ZNF594: variants seen among roughly 807,000 people sequenced by gnomAD.
ZNF594 encodes the protein zinc finger protein 594.
For missense variants in ZNF594, 1,037 were observed against 964.6 expected, an observed-to-expected ratio of 1.08 and a Z score of -0.99; for synonymous variants, 336 against 309.4, an observed-to-expected ratio of 1.09 and a Z score of -0.90.
downstream of ZNF594, among the ~76,000 whole-genome samples, chr17:5,178,497 C>T (rs1178366343): frequency 1.3e-5 from 2 of 152,026 alleles, no homozygotes; most frequent in Non-Finnish European, 2.9e-5. Context: ...AACCTGTTCC[C>T]TGGAATCAGA....
chr17:5,178,383 C>G (rs2074319044), downstream of ZNF594, among the ~76,000 whole-genome samples: 1 of 152,036 alleles, frequency 6.6e-6, no homozygotes, highest in African/African-American at 2.4e-5. Flanking sequence ...AACAATTAGT[C>G]ATAAATAACT....
chr17:5,184,052 T>A lies in ZNF594; in HGVS notation c.205A>T (p.Met69Leu). 2 of 1,614,182 alleles carry A rather than the reference T, an allele frequency of 1.2e-6. No individual in the cohort carries two copies. Among genetic ancestry groups the A allele is most frequent in the Non-Finnish European group, 1.7e-6 (2 of 1,180,030 alleles). The change falls in exon 2 of 2, where the codon ATG (methionine) becomes TTG (leucine). Residue 69 changes from methionine (M) to leucine (L), a missense_variant. Coordinates refer to ENST00000575779, the MANE Select transcript of ZNF594 (RefSeq NM_032530.2). ...ATGGCTTTCTGGGGGATAATATGCATTTCCCTGATACCGCTCTCTTGGGAA... is the reference window on the plus strand; with the variant it reads ...ATGGCTTTCTGGGGGATAATATGCAATTCCCTGATACCGCTCTCTTGGGAA... ...LPSQESGIRE[M>L]HIIPQKAIVG...
At chr17:5,176,249 G>A (rs1598121862), downstream of ZNF594, among the ~76,000 whole-genome samples, 1 of 152,056 alleles carries the variant, frequency 6.6e-6, no homozygotes, top group Middle Eastern at 3.4e-3. Flanking sequence ...TACAAAATTA[G>A]CCAGGCATGG....
At chr17:5,189,822 AC>A (rs2074409980) in intron 1 of ZNF594, among the ~76,000 whole-genome samples, 2 of 152,224 alleles carry the variant, frequency 1.3e-5, no homozygotes, top group Admixed American at 1.3e-4. Flanking sequence ...CTGGCCAAAA[AC>A]AAATTAGATT....
chr17:5,186,229 A>G (rs1018807062), intron 1 of ZNF594, among the ~76,000 whole-genome samples: 1 of 152,256 alleles, frequency 6.6e-6, no homozygotes, highest in Non-Finnish European at 1.5e-5. Flanking sequence ...ATCTTCTGAA[A>G]TCCAGGTGGA....
At position 5,182,593 on chromosome 17, in the gene ZNF594, A is replaced by C. The variant is rs759160522; in HGVS notation, c.1664T>G (p.Leu555Arg). ...CEKTFSQDEELRGEQKIHQEA... is the reference protein window; with the variant it reads ...CEKTFSQDEERRGEQKIHQEA... Reference sequence around the variant, plus strand: ...CTGGTGAATTTTCTGCTCTCCCCTAAGCTCCTCATCCTGGCTGAAGGTTTT... The same window carrying C: ...CTGGTGAATTTTCTGCTCTCCCCTACGCTCCTCATCCTGGCTGAAGGTTTT... The change falls in exon 2 of 2, where the codon CTT becomes CGT. Residue 555 changes from leucine (L) to arginine (R), a missense_variant. Physicochemically the swap from Leu to Arg is moderately radical, Grantham distance 102. Coordinates refer to ENST00000575779, the MANE Select transcript of ZNF594 (RefSeq NM_032530.2). The C allele has an allele frequency of 6.9e-5, 111 of 1,613,130 alleles. No homozygotes were observed. The highest frequency in any genetic ancestry group is 7.5e-5 in the Non-Finnish European group (89 of 1,179,578).
In ZNF594 at chr17:5,181,355, G is replaced by C. The variant is rs749005531; in HGVS notation, c.*478C>G. ...TATGAGTTACCTGATGTCCGATGAG[G>C]TCTGAGCTGCCCTGGAAAGCCCTAC... On this transcript the variant is annotated 3_prime_UTR_variant, in exon 2 of 2. Coordinates refer to ENST00000575779, the MANE Select transcript of ZNF594 (RefSeq NM_032530.2). 8.1e-6 allele frequency: 13 copies of C among 1,612,690 alleles called. No individual in the cohort carries two copies. The highest frequency in any genetic ancestry group is 1.0e-5 in the Non-Finnish European group (12 of 1,178,988).
At position 5,183,667 on chromosome 17, in the gene ZNF594, T is replaced by A; in HGVS notation, c.590A>T (p.Asn197Ile). ...GTGAATTTGCTTATGTCTCACCAGA[T>A]TGGAGCTCTGATTGAAGTCTTTTCC... ...ECGKDFNQSS[N>I]LVRHKQIHSG... Residue 197 changes from asparagine to isoleucine, a missense_variant, in exon 2 of 2, where the codon AAT (asparagine) becomes ATT (isoleucine). Transcript: ENST00000575779. 1 of 1,614,246 alleles carries A rather than the reference T, an allele frequency of 6.2e-7. No individual in the cohort carries two copies. The highest frequency in any genetic ancestry group is 8.5e-7 in the Non-Finnish European group (1 of 1,180,038).
Position 5,181,150 on chromosome 17 carries a change from GTT to G in ZNF594, c.*681_*682del. On this transcript the variant is annotated 3_prime_UTR_variant, in exon 2 of 2. Coordinates refer to ENST00000575779, the MANE Select transcript of ZNF594 (RefSeq NM_032530.2). ...TTCCAACATTCAGGGCATTCATAGG[GTT>G]TCTCTCCAGTATGAACACGATGGTG... The G allele has an allele frequency of 6.2e-7, 1 of 1,606,156 alleles. No individual in the cohort carries two copies. Among genetic ancestry groups the G allele is most frequent in the Non-Finnish European group, 8.5e-7 (1 of 1,174,614 alleles).
chr17:5,183,960 A>G lies in ZNF594; in HGVS notation c.297T>C (p.His99=), dbSNP rs767358107. 2.5e-6 allele frequency: 4 copies of G among 1,614,034 alleles called. No homozygotes were observed. The highest frequency in any genetic ancestry group is 2.5e-6 in the Non-Finnish European group (3 of 1,180,024). The change falls in exon 2 of 2, where the codon CAT becomes CAC. Residue 99 remains histidine, a synonymous_variant. Transcript: ENST00000575779. ...EKILSAGESS[H]RYEVSGQNFK... is the part of the protein sequence containing the mutation. ...AGTTTTGGCCACTAACCTCATATCTATGGGAGCTTTCTCCTGCAGAAAGTA... is the reference window on the plus strand; with the variant it reads ...AGTTTTGGCCACTAACCTCATATCTGTGGGAGCTTTCTCCTGCAGAAAGTA...
Position 5,181,086 on chromosome 17 carries a change from C to A in ZNF594, c.*747G>T, listed in dbSNP as rs753533439. The A allele has an allele frequency of 1.8e-5, 26 of 1,436,152 alleles. No individual in the cohort carries two copies. The highest frequency in any genetic ancestry group is 2.2e-5 in the Non-Finnish European group (23 of 1,027,446). 89.0% of individuals were successfully genotyped at this position (1,436,152 alleles called of 1,614,324 possible). On this transcript the variant is annotated 3_prime_UTR_variant, in exon 2 of 2. Transcript: ENST00000575779. The stretch of plus-strand genomic sequence containing the variant: ...AAAGGGTTTCTCTCTGGTATGAATT[C>A]TTTGATGACTGACAAGGTGTGAGTT...
chr17:5,188,066 G>A (rs1405754105), intron 1 of ZNF594, among the ~76,000 whole-genome samples: 1 of 151,620 alleles, frequency 6.6e-6, no homozygotes, highest in Non-Finnish European at 1.5e-5. Context: ...CTGAAAGACA[G>A]TGGCCTTACT....
intron 1 of ZNF594, among the ~76,000 whole-genome samples, chr17:5,186,075 G>C (rs1422665291): frequency 6.6e-6 from 1 of 152,192 alleles, no homozygotes; most frequent in African/African-American, 2.4e-5. Flanking sequence ...TCTTCTCACA[G>C]CTCCACTAGA....
chr17:5,174,756 C>T (rs988121262), downstream of ZNF594: 8 of 199,678 alleles, frequency 4.0e-5, no homozygotes, highest in East Asian at 1.6e-4. Context: ...CATGAACTAG[C>T]GGAAAATTTA....
In ZNF594 at chr17:5,180,964, G is replaced by C. The variant is rs1302208365; in HGVS notation, c.*869C>G. On this transcript the variant is annotated 3_prime_UTR_variant, in exon 2 of 2. Coordinates refer to ENST00000575779, the MANE Select transcript of ZNF594 (RefSeq NM_032530.2). ...CCTATTAGAATAGGTCCTGTTTGTAGACTCTTACAGTCTTCAAATTCCTTT... is the reference window on the plus strand; with the variant it reads ...CCTATTAGAATAGGTCCTGTTTGTACACTCTTACAGTCTTCAAATTCCTTT... 1.4e-6 allele frequency: 1 copy of C among 702,894 alleles called. No homozygotes were observed. Among genetic ancestry groups the C allele is most frequent in the Non-Finnish European group, 2.6e-6 (1 of 388,116 alleles). The allele number at this position is 702,894 out of a possible 1,614,324, so 43.5% of individuals were successfully genotyped here. A position where few individuals can be genotyped will look rare whatever the true frequency, so the allele number is the denominator to read the frequency against.
At chr17:5,178,903 C>A (rs1348875516), downstream of ZNF594, among the ~76,000 whole-genome samples, 1 of 152,118 alleles carries the variant, frequency 6.6e-6, no homozygotes, top group Non-Finnish European at 1.5e-5. Context: ...TTATAGAATA[C>A]CTTTTTAAAT....
chr17:5,185,131 T>G (rs2074377839), intron 1 of ZNF594, among the ~76,000 whole-genome samples: 1 of 152,244 alleles, frequency 6.6e-6, no homozygotes, highest in Non-Finnish European at 1.5e-5. Context: ...CTTATTGCTT[T>G]TGAGGGTCCA....
chr17:5,176,641 A>G (rs2074309953), downstream of ZNF594, among the ~76,000 whole-genome samples: 1 of 151,784 alleles, frequency 6.6e-6, no homozygotes, highest in East Asian at 1.9e-4. Flanking sequence ...GGGTGGAGAC[A>G]CTGGGAGGTC....
rs1335383005 is a variant in ZNF594, at chr17:5,182,534, T to C, written c.1723A>G (p.Arg575Gly). 6.2e-7 allele frequency: 1 copy of C among 1,614,070 alleles called. No homozygotes were observed. The highest frequency in any genetic ancestry group is 8.5e-7 in the Non-Finnish European group (1 of 1,180,010). ...AKAYWCNQCG[R>G]AFQGSSDLIR... ...AGGTCTGAGCTGCCCTGGAAAGCCCTACCACACTGATTACACCAATAAGCT... is the reference window on the plus strand; with the variant it reads ...AGGTCTGAGCTGCCCTGGAAAGCCCCACCACACTGATTACACCAATAAGCT... Residue 575 changes from arginine to glycine, a missense_variant, in exon 2 of 2, where the codon AGG becomes GGG. Transcript: ENST00000575779.
Sources: gnomAD v4.1 joint callset for allele counts (sites outside exome capture counted in the v4.1 genomes callset) on GRCh38, gnomAD v4.1.1 for gene constraint, MANE v1.5 for transcripts, NCBI Gene and HGNC (gene_info 2026-07-23, HGNC 2026-07-21) for gene names.